The following ANKRD26 variants were observed in gnomAD, a reference collection of about 807,000 sequenced individuals.
ANKRD26 encodes the protein ankyrin repeat domain 26.
ANKRD26 carries 141 observed loss-of-function variants against 208.7 expected under a neutral mutation model. That is an observed-to-expected ratio of 0.68 (90% CI 0.59 to 0.78). The LOEUF is 0.78. ANKRD26 is among the 30% of genes least tolerant of loss of function. The probability of loss-of-function intolerance (pLI) is 0.00; values close to 1 mark genes in which losing one functional copy is unlikely to be tolerated. For missense variants in ANKRD26, 1,889 were observed against 1,938.7 expected (o/e 0.97, Z 0.48); for synonymous variants, 636 against 660.4 (o/e 0.96, Z 0.57).
chr10:26,951,469 T>C, the ANKRD26 span, among the ~76,000 whole-genome samples: 1 of 152,252 alleles, frequency 6.6e-6, no homozygotes, highest in Non-Finnish European at 1.5e-5. Flanking sequence ...TGAAATTTTC[T>C]AGCAATTCTA....
chr10:26,975,983 C>T (rs941166461), exon 6 of ANKRD26, among the ~76,000 whole-genome samples: 10 of 152,010 alleles, frequency 6.6e-5, no homozygotes, highest in African/African-American at 1.9e-4. Flanking sequence ...AAAATTGCAT[C>T]CTATTCCCCC....
chr10:27,083,144 T>C (rs966318152), intron 5 of ANKRD26, among the ~76,000 whole-genome samples: 3 of 152,184 alleles, frequency 2.0e-5, no homozygotes, highest in Non-Finnish European at 4.4e-5. Flanking sequence ...CCTAACTTTT[T>C]ACACTCAATA....
intron 1 of ANKRD26, 83 bp downstream of exon 1, chr10:27,100,002 C>T: frequency 3.7e-6 from 6 of 1,600,934 alleles, no homozygotes; most frequent in Non-Finnish European, 5.1e-6. Context: ...TGATCCAGGC[C>T]CTGGGTGGCT....
chr10:27,055,926 G>A (rs1195886380), intron 15 of ANKRD26, among the ~76,000 whole-genome samples: 3 of 152,178 alleles, frequency 2.0e-5, no homozygotes, highest in African/African-American at 7.2e-5. Context: ...TTGTGCTTGA[G>A]TAGGCAATCT....
intron 15 of ANKRD26, among the ~76,000 whole-genome samples, chr10:27,057,845 G>A (rs936234502): frequency 6.6e-6 from 1 of 151,806 alleles, no homozygotes; most frequent in African/African-American, 2.4e-5. Context: ...GCTGAGGCAG[G>A]AGAATCGCTT....
At chr10:26,949,417 C>T in the ANKRD26 span, among the ~76,000 whole-genome samples, 5 of 132,190 alleles carry the variant, frequency 3.8e-5, no homozygotes, top group African/African-American at 1.2e-4. Context: ...AGTAGTAACT[C>T]CTAATGTATC....
chr10:27,051,853 A>C, intron 16 of ANKRD26: 1 of 985,356 alleles, frequency 1.0e-6, no homozygotes, highest in Non-Finnish European at 1.2e-6. Context: ...TCCCCAGGAG[A>C]AGCAGTAATT....
At chr10:27,030,702 AT>A in intron 25 of ANKRD26, 3 of 509,858 alleles carry the variant, frequency 5.9e-6, no homozygotes, top group Non-Finnish European at 7.6e-6. Flanking sequence ...GTTTCTACTT[AT>A]ATTTAATTAC....
chr10:27,086,682 T>C, intron 4 of ANKRD26, 73 bp from the exon 5 acceptor site: 3 of 1,505,354 alleles, frequency 2.0e-6, no homozygotes, highest in Non-Finnish European at 2.7e-6. Context: ...TCTCAAAATC[T>C]TGAGTATTTC....
chr10:27,044,597 T>C (rs1208895409), intron 18 of ANKRD26, among the ~76,000 whole-genome samples: 1 of 152,090 alleles, frequency 6.6e-6, no homozygotes, highest in Non-Finnish European at 1.5e-5. Flanking sequence ...AATATATTAC[T>C]TAACACCCTT....
intron 5 of ANKRD26, among the ~76,000 whole-genome samples, chr10:26,978,988 C>T (rs1368190810): frequency 5.3e-5 from 8 of 152,048 alleles, no homozygotes; most frequent in Admixed American, 2.6e-4. Flanking sequence ...TTTGGGAGGC[C>T]GAGGCGGGCG....
intron 1 of ANKRD26, among the ~76,000 whole-genome samples, chr10:27,096,617 A>T (rs12762717): frequency 0.13 from 19,499 of 151,560 alleles, 1,392 homozygotes; most frequent in East Asian, 0.29. Flanking sequence ...TACAAAAAAA[A>T]TAGCCAGGCA....
At chr10:27,024,008 A>ACACACACACACAC (rs1564364148) in intron 28 of ANKRD26, among the ~76,000 whole-genome samples, 6 of 151,590 alleles carry the variant, frequency 4.0e-5, no homozygotes, top group Admixed American at 1.3e-4. Context: ...ACACACACAC[A>ACACACACACACAC]AAGAGGCAGA....
At chr10:27,084,767 G>T (rs1302213880) in intron 5 of ANKRD26, among the ~76,000 whole-genome samples, 1 of 151,710 alleles carries the variant, frequency 6.6e-6, no homozygotes, top group Middle Eastern at 3.4e-3. Flanking sequence ...TACTTGGGAG[G>T]CTGAGGCAAA....
intron 18 of ANKRD26, among the ~76,000 whole-genome samples, chr10:27,044,435 C>G (rs1197688655): frequency 6.7e-6 from 1 of 150,040 alleles, no homozygotes; most frequent in African/African-American, 2.4e-5. Flanking sequence ...TCATAACAAA[C>G]AAATTTAGAT....
intron 33 of ANKRD26, among the ~76,000 whole-genome samples, chr10:27,006,008 T>A (rs898350431): frequency 1.3e-5 from 2 of 152,186 alleles, no homozygotes; most frequent in African/African-American, 4.8e-5. Context: ...ATGAAGATGA[T>A]ATGATCCACC....
intron 25 of ANKRD26, among the ~76,000 whole-genome samples, chr10:27,032,367 G>A (rs2053893229): frequency 6.6e-6 from 1 of 152,092 alleles, no homozygotes; most frequent in South Asian, 2.1e-4. Flanking sequence ...AGGTGCGGTG[G>A]CTCACACCTG....
downstream of ANKRD26, among the ~76,000 whole-genome samples, chr10:26,999,716 C>T (rs142592270): frequency 2.7e-5 from 4 of 149,126 alleles, no homozygotes; most frequent in African/African-American, 9.9e-5. Flanking sequence ...AAGCATGGTG[C>T]TCTTTTTTCC....
At chr10:27,098,583 C>T (rs1368629003) in intron 1 of ANKRD26, among the ~76,000 whole-genome samples, 1 of 147,218 alleles carries the variant, frequency 6.8e-6, no homozygotes, top group African/African-American at 2.5e-5. Flanking sequence ...GAGTCTTGCT[C>T]TGTCGCCCAG....
Sources: gnomAD v4.1 joint callset for allele counts (sites outside exome capture counted in the v4.1 genomes callset) on GRCh38, gnomAD v4.1.1 for gene constraint, MANE v1.5 for transcripts, NCBI Gene and HGNC (gene_info 2026-07-23, HGNC 2026-07-21) for gene names.